The following TNR variants were observed in gnomAD, a reference collection of about 807,000 sequenced individuals.
TNR encodes tenascin R.
Under a neutral mutation model 150.4 loss-of-function variants are expected in TNR, and 45 were observed. The ratio of observed to expected loss-of-function variants is 0.30; its 90% CI spans 0.24 to 0.38. TNR has a LOEUF of 0.38. TNR is among the 10% of genes least tolerant of loss of function. The pLI, the probability that TNR is intolerant of heterozygous loss-of-function variation, is 1.00. For missense variants in TNR, 1,544 were observed against 1,759.1 expected, an observed-to-expected ratio of 0.88 and a Z score of 2.19; for synonymous variants, 687 against 678.4, an observed-to-expected ratio of 1.01 and a Z score of -0.20.
chr1:175,619,318 C>A (rs1663884623), intron 1 of TNR, among the ~76,000 whole-genome samples: 1 of 152,126 alleles, frequency 6.6e-6, no homozygotes, highest in Admixed American at 6.5e-5. Flanking sequence ...AGCCCTTTAC[C>A]AGCTTGCAAC....
At chr1:175,475,995 G>A (rs563093316) in intron 2 of TNR, among the ~76,000 whole-genome samples, 1 of 152,286 alleles carries the variant, frequency 6.6e-6, no homozygotes, top group South Asian at 2.1e-4. Context: ...AGCCAATGAT[G>A]TGAACAAAAA....
At chr1:175,464,252 C>T (rs1476763927) in intron 2 of TNR, among the ~76,000 whole-genome samples, 2 of 152,128 alleles carry the variant, frequency 1.3e-5, no homozygotes, top group Non-Finnish European at 2.9e-5. Context: ...ATCCATTTTC[C>T]CCACCAGGTT....
In TNR at chr1:175,592,664, C is replaced by T. The variant is rs138329235; in HGVS notation, c.-164-64295G>A. Among the ~76,000 whole-genome samples the T allele has an allele frequency of 1.2e-3, 189 of 152,298 alleles. 1 individual carries two copies. In the East Asian group the frequency reaches 0.029, roughly 23 times the overall value. On this transcript the variant is annotated intron_variant, in intron 1 of 22. Coordinates refer to ENST00000367674, the MANE Select transcript of TNR (RefSeq NM_003285.3). ...CACTCTGCTGTTAACCATCATTCAG[C>T]GGAGAGCATCAAGTGAGTTACAGAG...
chr1:175,649,880 C>T (rs1277492037), intron 1 of TNR, among the ~76,000 whole-genome samples: 1 of 152,208 alleles, frequency 6.6e-6, no homozygotes, highest in Non-Finnish European at 1.5e-5. Flanking sequence ...TCTCCTGATC[C>T]ATATCTTTGC....
At chr1:175,530,301 T>C (rs1660013242) in intron 1 of TNR, among the ~76,000 whole-genome samples, 1 of 152,098 alleles carries the variant, frequency 6.6e-6, no homozygotes, top group African/African-American at 2.4e-5. Flanking sequence ...GGAGGTGTCC[T>C]GCATTGAAAA....
At chr1:175,702,274 C>T (rs139430588) in intron 1 of TNR, among the ~76,000 whole-genome samples, 12 of 152,296 alleles carry the variant, frequency 7.9e-5, no homozygotes, top group African/African-American at 2.9e-4. Flanking sequence ...GAGGCAGCTT[C>T]TCAGCTCTGC....
At chr1:175,596,942 T>C (rs1663033120) in intron 1 of TNR, among the ~76,000 whole-genome samples, 1 of 152,150 alleles carries the variant, frequency 6.6e-6, no homozygotes, top group Admixed American at 6.5e-5. Context: ...ATTATAAAGG[T>C]GGAGAGTTTC....
intron 15 of TNR, 129 bp downstream of exon 15, chr1:175,359,483 C>G: frequency 6.9e-7 from 1 of 1,455,090 alleles, no homozygotes; most frequent in Non-Finnish European, 9.5e-7. Context: ...CATAGTATAC[C>G]TGAAGTAGGA....
intron 18 of TNR, among the ~76,000 whole-genome samples, chr1:175,342,767 C>T (rs933631995): frequency 3.9e-5 from 6 of 152,240 alleles, no homozygotes; most frequent in African/African-American, 1.2e-4. Context: ...GCTCTGCAGA[C>T]CACCTGCCTT....
At chr1:175,469,620 G>T (rs1557953179) in intron 2 of TNR, among the ~76,000 whole-genome samples, 1 of 151,990 alleles carries the variant, frequency 6.6e-6, no homozygotes, top group Admixed American at 6.6e-5. Flanking sequence ...TGTTGGGGCT[G>T]CTTGGTAACT....
At chr1:175,488,266 T>G (rs897639005) in intron 2 of TNR, among the ~76,000 whole-genome samples, 5 of 152,214 alleles carry the variant, frequency 3.3e-5, no homozygotes, top group African/African-American at 1.2e-4. Context: ...AATGAGTACT[T>G]TGCAGAACAA....
At position 175,330,230 on chromosome 1, in the gene TNR, C is replaced by A; in HGVS notation, c.3637G>T (p.Asp1213Tyr). The change falls in exon 21 of 23, where the codon GAC (aspartate) becomes TAC (tyrosine). Residue 1213 changes from aspartate to tyrosine, a missense_variant. Physicochemically the swap from Asp to Tyr is radical, Grantham distance 160. Coordinates refer to ENST00000367674, the MANE Select transcript of TNR (RefSeq NM_003285.3). ...NVEDEFWLGL[D>Y]NIHRITSQGR... Reference sequence around the variant, plus strand: ...TGGGATGTGATCCTGTGTATATTGTCCAGCCCTGTGGAGAAGAGCAGAAAA... The same window carrying A: ...TGGGATGTGATCCTGTGTATATTGTACAGCCCTGTGGAGAAGAGCAGAAAA... 6.4e-7 allele frequency: 1 copy of A among 1,568,776 alleles called. No individual in the cohort carries two copies. The highest frequency in any genetic ancestry group is 8.7e-7 in the Non-Finnish European group (1 of 1,149,272).
At chr1:175,675,967 G>A (rs1665852422) in intron 1 of TNR, among the ~76,000 whole-genome samples, 1 of 152,070 alleles carries the variant, frequency 6.6e-6, no homozygotes, top group African/African-American at 2.4e-5. Flanking sequence ...TCAGTGTCAG[G>A]GTTACCTTTC....
At chr1:175,465,283 C>T (rs995145343) in intron 2 of TNR, among the ~76,000 whole-genome samples, 2 of 152,144 alleles carry the variant, frequency 1.3e-5, no homozygotes, top group African/African-American at 4.8e-5. Context: ...ACTGAAACTC[C>T]TAGGTTGAAA....
chr1:175,622,626 A>G (rs1380631860), intron 1 of TNR, among the ~76,000 whole-genome samples: 1 of 152,348 alleles, frequency 6.6e-6, no homozygotes, highest in East Asian at 1.9e-4. Context: ...AAGCTTTCCC[A>G]GAACTCTCTA....
intron 2 of TNR, among the ~76,000 whole-genome samples, chr1:175,414,418 T>G (rs1188655972): frequency 6.6e-6 from 1 of 152,168 alleles, no homozygotes; most frequent in Non-Finnish European, 1.5e-5. Context: ...GGCTCAACGA[T>G]ACACTAACAG....
At chr1:175,634,194 G>A (rs576362845) in intron 1 of TNR, among the ~76,000 whole-genome samples, 2 of 152,248 alleles carry the variant, frequency 1.3e-5, no homozygotes, top group African/African-American at 4.8e-5. Flanking sequence ...TGGGGAGGAG[G>A]GCAGAGCTGT....
chr1:175,554,771 T>C (rs904534303), intron 1 of TNR, among the ~76,000 whole-genome samples: 3 of 152,218 alleles, frequency 2.0e-5, no homozygotes, highest in African/African-American at 7.2e-5. Context: ...CTCTTTGTTT[T>C]AGTTGTTTCT....
intron 2 of TNR, among the ~76,000 whole-genome samples, chr1:175,446,188 G>A (rs992035493): frequency 7.9e-5 from 12 of 152,146 alleles, no homozygotes; most frequent in African/African-American, 2.9e-4. Flanking sequence ...TGACACAAAC[G>A]AAGTTCTTGG....
Sources: allele counts gnomAD v4.1 joint callset (sites outside exome capture counted in the v4.1 genomes callset), GRCh38; gene constraint gnomAD v4.1.1; transcripts MANE v1.5; gene names NCBI Gene and HGNC (gene_info 2026-07-23, HGNC 2026-07-21).